RIN2: variants seen among roughly 807,000 people sequenced by gnomAD.
RIN2 encodes the protein RAB5 interacting protein 2.
In RIN2, 36 loss-of-function variants were observed where a neutral mutation model predicts 78.0. The observed-to-expected ratio is 0.46, with a 90% CI of 0.35 to 0.61. RIN2 has a LOEUF of 0.61. Ranked by LOEUF, RIN2 falls within the 20% of genes least tolerant of loss-of-function variation. The pLI, the probability that RIN2 is intolerant of heterozygous loss-of-function variation, is 0.00. For missense variants in RIN2, 1,087 were observed against 1,159.7 expected, an observed-to-expected ratio of 0.94 and a Z score of 0.91; for synonymous variants, 466 against 466.8, an observed-to-expected ratio of 1.00 and a Z score of 0.02.
chr20:19,956,912 G>A (rs2041567501), intron 5 of RIN2, 105 bp downstream of exon 5: 1 of 962,778 alleles, frequency 1.0e-6, no homozygotes, highest in Non-Finnish European at 1.5e-6. Flanking sequence ...TAGCTTGTAA[G>A]GAGCATGTCT....
At chr20:19,982,020 GTGTGTGCT>G (rs1218285793) in intron 9 of RIN2, among the ~76,000 whole-genome samples, 2 of 152,356 alleles carry the variant, frequency 1.3e-5, no homozygotes, top group African/African-American at 4.8e-5. Context: ...CACTTTTGGA[GTGTGTGCT>G]GCATGAGGGC....
intron 2 of RIN2, chr20:19,886,404 G>A (rs995221969): frequency 5.8e-6 from 2 of 346,500 alleles, no homozygotes; most frequent in Non-Finnish European, 1.0e-5. Flanking sequence ...CACACGGAAA[G>A]CCACCACTGA....
chr20:19,849,289 C>T (rs891177900), intron 2 of RIN2, among the ~76,000 whole-genome samples: 4 of 152,144 alleles, frequency 2.6e-5, no homozygotes, highest in Admixed American at 6.5e-5. Flanking sequence ...TTCTAGACCT[C>T]GATACTGACC....
In RIN2 at chr20:19,943,975, CTTT is replaced by C. The variant is rs58524523; in HGVS notation, c.158+8801_158+8803del. On this transcript the variant is annotated intron_variant, in intron 4 of 12. Coordinates refer to ENST00000255006, the MANE Select transcript of RIN2 (RefSeq NM_018993.4). ...ACATGTTTAATTCCATTTCAATATCCTTTTTTTTTTTTTTTTTTTTTTTTTTTA... is the reference window on the plus strand; with the variant it reads ...ACATGTTTAATTCCATTTCAATATCCTTTTTTTTTTTTTTTTTTTTTTTTA... Among the ~76,000 whole-genome samples, 445 of 95,876 alleles carry C rather than the reference CTTT, an allele frequency of 4.6e-3. 5 individuals are homozygous for C. The highest frequency in any genetic ancestry group is 0.016 in the African/African-American group (378 of 23,028). The allele number at this position is 95,876 out of a possible 152,430, so 62.9% of individuals were successfully genotyped here.
rs73901377 is a variant in RIN2 at position 19,994,375 on chromosome 20, G to A, written c.2200+2076G>A. Among the ~76,000 whole-genome samples, 316 of 152,300 alleles carry A rather than the reference G, an allele frequency of 2.1e-3. 1 individual carries two copies. Among genetic ancestry groups the A allele is most frequent in the African/African-American group, 7.3e-3 (303 of 41,570 alleles). On this transcript the variant is annotated intron_variant, in intron 11 of 12. Coordinates refer to ENST00000255006, the MANE Select transcript of RIN2 (RefSeq NM_018993.4). ...CTGCCCAAAGTCCTCTTTGGTTTGC[G>A]GGGTAGCAGCCACGTCTGTTTTCCG...
At chr20:19,923,469 T>TAAAATAAAATAAATAAAATA (rs144067000) in intron 3 of RIN2, among the ~76,000 whole-genome samples, 2 of 97,120 alleles carry the variant, frequency 2.1e-5, no homozygotes, top group African/African-American at 8.6e-5. Flanking sequence ...TAAAATAAAA[T>TAAAATAAAATAAATAAAATA]AAATAAAATA....
intron 2 of RIN2, among the ~76,000 whole-genome samples, chr20:19,873,603 G>A (rs1418412252): frequency 6.6e-6 from 1 of 152,114 alleles, no homozygotes; most frequent in Non-Finnish European, 1.5e-5. Flanking sequence ...GCACATGGTA[G>A]GTGCATTTGG....
intron 2 of RIN2, among the ~76,000 whole-genome samples, chr20:19,813,089 G>T (rs1302879639): frequency 6.6e-6 from 1 of 152,158 alleles, no homozygotes; most frequent in Non-Finnish European, 1.5e-5. Context: ...CTCAGCAATA[G>T]ACTTCCCCAC....
At chr20:19,917,141 G>A (rs1381410911) in intron 3 of RIN2, among the ~76,000 whole-genome samples, 1 of 150,974 alleles carries the variant, frequency 6.6e-6, no homozygotes, top group Non-Finnish European at 1.5e-5. Flanking sequence ...GAGTGGGTAA[G>A]GTACGACTCC....
intron 2 of RIN2, among the ~76,000 whole-genome samples, chr20:19,880,734 T>C (rs2038003209): frequency 6.6e-6 from 1 of 152,180 alleles, no homozygotes; most frequent in Non-Finnish European, 1.5e-5. Flanking sequence ...TCCTATGCAC[T>C]TACTCATTCG....
intron 9 of RIN2, among the ~76,000 whole-genome samples, chr20:19,985,081 GT>G: frequency 6.6e-6 from 1 of 152,210 alleles, no homozygotes; most frequent in Non-Finnish European, 1.5e-5. Flanking sequence ...AATTTCTCCA[GT>G]CTTCAGCTTT....
rs562994782 is a variant in RIN2, at chr20:19,878,961, G to A, written c.-36-10605G>A. 1.3e-3 allele frequency among the ~76,000 whole-genome samples: 200 copies of A among 152,306 alleles called. 1 individual carries two copies. Among genetic ancestry groups the A allele is most frequent in the African/African-American group, 4.7e-3 (196 of 41,564 alleles). The stretch of plus-strand genomic sequence containing the variant: ...CCTGCCCTGTCTGGCCCCACTGCCA[G>A]AGGAAGGAGTCAGACGTCTGAACAA... On this transcript the variant is annotated intron_variant, in intron 2 of 12. Coordinates refer to ENST00000255006, the MANE Select transcript of RIN2 (RefSeq NM_018993.4).
chr20:19,874,392 T>G (rs1340935884), intron 2 of RIN2, among the ~76,000 whole-genome samples: 2 of 152,222 alleles, frequency 1.3e-5, no homozygotes, highest in Admixed American at 6.5e-5. Context: ...GGTTCAGTGT[T>G]GGCTAATTCA....
At chr20:19,910,936 T>TTA (rs1313539070) in intron 3 of RIN2, among the ~76,000 whole-genome samples, 22 of 152,196 alleles carry the variant, frequency 1.4e-4, no homozygotes, top group Admixed American at 1.4e-3. Context: ...CAAAGAACGC[T>TTA]TATATATCCA....
At chr20:19,774,983 C>T (rs1458444172) in intron 1 of RIN2, among the ~76,000 whole-genome samples, 2 of 152,150 alleles carry the variant, frequency 1.3e-5, no homozygotes, top group African/African-American at 4.8e-5. Flanking sequence ...CCATTACTGA[C>T]CACCCACATT....
chr20:19,962,235 G>A (rs1481913628), intron 6 of RIN2, among the ~76,000 whole-genome samples: 2 of 151,700 alleles, frequency 1.3e-5, no homozygotes, highest in Admixed American at 1.3e-4. Flanking sequence ...GCAGTGAGCC[G>A]TGATCGTGCC....
intron 3 of RIN2, among the ~76,000 whole-genome samples, chr20:19,931,292 G>C (rs2040428816): frequency 6.6e-6 from 1 of 150,966 alleles, no homozygotes; most frequent in Non-Finnish European, 1.5e-5. Context: ...AATATAACAT[G>C]TAACAGTATT....
chr20:19,852,888 T>C (rs1262733852), intron 2 of RIN2, among the ~76,000 whole-genome samples: 1 of 152,188 alleles, frequency 6.6e-6, no homozygotes, highest in Non-Finnish European at 1.5e-5. Context: ...CATCCTTTTT[T>C]TTTTAATTAT....
intron 2 of RIN2, among the ~76,000 whole-genome samples, chr20:19,878,805 A>G (rs190394557): frequency 7.1e-4 from 108 of 152,230 alleles, no homozygotes; most frequent in Non-Finnish European, 1.3e-3. Flanking sequence ...CCATAATCTA[A>G]TTCTTTTGCT....
Sources: gnomAD v4.1 joint callset for allele counts (sites outside exome capture counted in the v4.1 genomes callset) on GRCh38, gnomAD v4.1.1 for gene constraint, MANE v1.5 for transcripts, NCBI Gene and HGNC (gene_info 2026-07-23, HGNC 2026-07-21) for gene names.